The following NLGN4X variants were observed in gnomAD, a reference collection of about 807,000 sequenced individuals.
NLGN4X encodes the protein neuroligin-4, X-linked.
A neutral mutation model predicts 40.3 loss-of-function variants in NLGN4X; 3 were observed. The observed-to-expected ratio is 0.07, with a 90% CI of 0.03 to 0.19. NLGN4X has a LOEUF of 0.19. Ranked by LOEUF, NLGN4X falls within the 10% of genes least tolerant of loss-of-function variation. NLGN4X has a pLI of 1.00. For missense variants in NLGN4X, 382 were observed against 708.3 expected (o/e 0.54, Z 5.23); for synonymous variants, 270 against 306.8 (o/e 0.88, Z 1.25).
intron 1 of NLGN4X, among the ~76,000 whole-genome samples, chrX:6,181,617 A>T (rs187236416): frequency 5.4e-5 from 6 of 111,665 alleles, no homozygotes; most frequent in African/African-American, 2.0e-4. Flanking sequence ...GTTATCACAT[A>T]GCCAAAGGGC....
At chrX:5,916,883 T>C (rs1039034213) in intron 3 of NLGN4X, among the ~76,000 whole-genome samples, 2 of 112,241 alleles carry the variant, frequency 1.8e-5, no homozygotes, top group African/African-American at 6.5e-5. Context: ...AATTTAAATC[T>C]CCCTTTTTAG....
At chrX:6,180,795 A>G (rs1404039895) in intron 1 of NLGN4X, among the ~76,000 whole-genome samples, 1 of 110,057 alleles carries the variant, frequency 9.1e-6, no homozygotes, top group Non-Finnish European at 1.9e-5. Context: ...TGGAACACCT[A>G]AAGTACTGAC....
intron 2 of NLGN4X, among the ~76,000 whole-genome samples, chrX:6,033,617 T>G (rs2036927949): frequency 1.8e-5 from 2 of 112,332 alleles, no homozygotes; most frequent in Admixed American, 1.9e-4. Flanking sequence ...TATTGGTACG[T>G]GAATTTGTTG....
chrX:6,074,494 G>T (rs980778740), intron 2 of NLGN4X, among the ~76,000 whole-genome samples: 3 of 111,785 alleles, frequency 2.7e-5, no homozygotes, highest in Non-Finnish European at 5.6e-5. Flanking sequence ...TTGTTGCCAT[G>T]TTCTTCATCC....
chrX:6,219,903 C>G (rs1925501308), intron 1 of NLGN4X, among the ~76,000 whole-genome samples: 1 of 111,689 alleles, frequency 9.0e-6, no homozygotes, highest in Non-Finnish European at 1.9e-5. Context: ...CTTTGTCAAA[C>G]CCTATATTTA....
rs201534650 is a variant in NLGN4X at position 6,151,352 on chromosome X, T to C, written c.115A>G (p.Ile39Val). ...ACTGGATACTGTGCTTGGCTGTCAA[T>C]GAGGGTGAACTTGATGGCAAGAGCA... ...LTALAIKFTL[I>V]DSQAQYPVVN... The change falls in exon 2 of 6, where the codon ATT becomes GTT. Residue 39 changes from isoleucine (I) to valine (V), a missense_variant. By Grantham distance (29) the Ile-to-Val change is conservative. Coordinates refer to ENST00000381095, the MANE Select transcript of NLGN4X (RefSeq NM_181332.3). 5.1e-4 allele frequency: 623 copies of C among 1,209,897 alleles called. 2 individuals carry two copies. In the South Asian group the frequency reaches 9.8e-3, roughly 19 times the overall value.
chrX:6,104,987 G>A (rs376806442), intron 2 of NLGN4X, among the ~76,000 whole-genome samples: 23 of 111,451 alleles, frequency 2.1e-4, no homozygotes, highest in African/African-American at 6.5e-4. Flanking sequence ...ATACTGGGAC[G>A]GTAACTGGAT....
At chrX:5,899,744 T>G (rs563590926) in intron 5 of NLGN4X, among the ~76,000 whole-genome samples, 9 of 108,375 alleles carry the variant, frequency 8.3e-5, no homozygotes, top group Non-Finnish European at 1.3e-4. Context: ...CTCAGTCTCA[T>G]AGCCTTTGGA....
chrX:6,107,712 CTTGT>C (rs926427584), intron 2 of NLGN4X, among the ~76,000 whole-genome samples: 16 of 111,615 alleles, frequency 1.4e-4, no homozygotes, highest in Non-Finnish European at 9.4e-5. Flanking sequence ...CAGCCTTTCC[CTTGT>C]TTGAGTCCCC....
intron 4 of NLGN4X, among the ~76,000 whole-genome samples, chrX:5,907,088 A>T (rs2032231407): frequency 9.0e-6 from 1 of 111,065 alleles, no homozygotes; most frequent in Admixed American, 9.5e-5. Context: ...GAAAAAAAAA[A>T]AAAATTCCAT....
chrX:5,986,689 C>T (rs747338089), intron 3 of NLGN4X, among the ~76,000 whole-genome samples: 2 of 111,747 alleles, frequency 1.8e-5, no homozygotes, highest in African/African-American at 6.5e-5. Flanking sequence ...CAATAAGACA[C>T]ACAACCCAGT....
chrX:5,995,906 A>C (rs1402802426), intron 3 of NLGN4X, among the ~76,000 whole-genome samples: 1 of 112,161 alleles, frequency 8.9e-6, no homozygotes, highest in African/African-American at 3.2e-5. Flanking sequence ...TTCAGTGAGC[A>C]CTTACTGTAT....
intron 2 of NLGN4X, among the ~76,000 whole-genome samples, chrX:6,043,881 T>TA (rs2037242368): frequency 9.0e-6 from 1 of 111,110 alleles, no homozygotes; most frequent in Admixed American, 9.7e-5. Flanking sequence ...ATTTGGAAGA[T>TA]AGAGTAATTA....
intron 1 of NLGN4X, among the ~76,000 whole-genome samples, chrX:6,183,495 G>C (rs377055643): frequency 3.6e-5 from 4 of 110,080 alleles, no homozygotes; most frequent in East Asian, 5.7e-4. Flanking sequence ...TGCAGTGAGC[G>C]GAGATCGCGC....
intron 3 of NLGN4X, among the ~76,000 whole-genome samples, chrX:6,025,274 T>C: frequency 8.9e-6 from 1 of 112,111 alleles, no homozygotes; most frequent in East Asian, 2.8e-4. Context: ...GATCATAAAT[T>C]ATATGGCCAA....
chrX:5,922,733 C>T (rs1472262681), intron 3 of NLGN4X, among the ~76,000 whole-genome samples: 1 of 110,230 alleles, frequency 9.1e-6, no homozygotes, highest in African/African-American at 3.3e-5. Context: ...CATGGTGGCA[C>T]AGGCCTGTAA....
chrX:6,144,055 G>A (rs1217816663), intron 2 of NLGN4X, among the ~76,000 whole-genome samples: 2 of 111,918 alleles, frequency 1.8e-5, no homozygotes, highest in Non-Finnish European at 3.8e-5. Context: ...GCTGCAGTGA[G>A]CTATGACTGT....
chrX:6,207,904 C>T (rs946767578), intron 1 of NLGN4X, among the ~76,000 whole-genome samples: 3 of 111,932 alleles, frequency 2.7e-5, no homozygotes, highest in Non-Finnish European at 3.8e-5. Context: ...GGGTTGGCGA[C>T]ATTAATTCTG....
At chrX:5,950,822 G>C (rs2034284983) in intron 3 of NLGN4X, among the ~76,000 whole-genome samples, 1 of 111,407 alleles carries the variant, frequency 9.0e-6, no homozygotes, top group Admixed American at 9.6e-5. Context: ...CATGAACTAT[G>C]GAAGCGGCTG....
Sources: gnomAD v4.1 joint callset for allele counts (sites outside exome capture counted in the v4.1 genomes callset) on GRCh38, gnomAD v4.1.1 for gene constraint, MANE v1.5 for transcripts, NCBI Gene and HGNC (gene_info 2026-07-23, HGNC 2026-07-21) for gene names.